GALNTL6: variants seen among roughly 807,000 people sequenced by gnomAD.
GALNTL6 encodes the protein polypeptide N-acetylgalactosaminyltransferase like 6.
GALNTL6 carries 46 observed loss-of-function variants against 73.7 expected under a neutral mutation model. The observed-to-expected ratio is 0.62, with a 90% CI of 0.49 to 0.80. GALNTL6 has a LOEUF of 0.80. Among genes scored for constraint, GALNTL6 ranks in the 30% least tolerant of loss-of-function variants. GALNTL6 has a pLI of 0.00. For missense variants in GALNTL6, 604 were observed against 755.0 expected, an observed-to-expected ratio of 0.80 and a Z score of 2.34; for synonymous variants, 259 against 263.7, an observed-to-expected ratio of 0.98 and a Z score of 0.17.
chr4:172,952,484 C>T (rs1222843642), intron 10 of GALNTL6, among the ~76,000 whole-genome samples: 1 of 151,966 alleles, frequency 6.6e-6, no homozygotes, highest in Non-Finnish European at 1.5e-5. Flanking sequence ...ACTGTTGATT[C>T]CCCAGATGAT....
intron 2 of GALNTL6, among the ~76,000 whole-genome samples, chr4:172,143,639 CA>C (rs771502803): frequency 1.3e-5 from 2 of 152,030 alleles, no homozygotes; most frequent in Admixed American, 6.5e-5. Context: ...CTGCCTTCCC[CA>C]AATTTAAAAT....
chr4:172,639,512 A>T (rs758034826), intron 5 of GALNTL6, among the ~76,000 whole-genome samples: 2 of 152,228 alleles, frequency 1.3e-5, no homozygotes, highest in South Asian at 4.1e-4. Context: ...AAAAATACAT[A>T]AGCAAATTAA....
intron 5 of GALNTL6, among the ~76,000 whole-genome samples, chr4:172,755,233 C>CAG (rs2110798845): frequency 2.7e-5 from 1 of 36,888 alleles, no homozygotes; most frequent in African/African-American, 9.6e-5. Flanking sequence ...AGATAAATGA[C>CAG]AGATATAGAT....
At chr4:171,887,380 G>T (rs1245997188) in intron 2 of GALNTL6, among the ~76,000 whole-genome samples, 1 of 152,188 alleles carries the variant, frequency 6.6e-6, no homozygotes, top group Admixed American at 6.5e-5. Context: ...AAAGATTTTA[G>T]GTGGTGAAGG....
intron 5 of GALNTL6, among the ~76,000 whole-genome samples, chr4:172,795,312 G>T (rs1045652002): frequency 6.6e-6 from 1 of 152,168 alleles, no homozygotes; most frequent in Non-Finnish European, 1.5e-5. Context: ...TTGTGTGGGT[G>T]CAGGGATAAC....
chr4:172,233,811 C>A (rs1346795477), intron 3 of GALNTL6, among the ~76,000 whole-genome samples: 5 of 151,616 alleles, frequency 3.3e-5, no homozygotes, highest in South Asian at 2.1e-4. Flanking sequence ...CAGATATGCA[C>A]AAAAAAATGG....
intron 10 of GALNTL6, among the ~76,000 whole-genome samples, chr4:173,001,590 T>C (rs1487657679): frequency 6.6e-6 from 1 of 152,196 alleles, no homozygotes; most frequent in East Asian, 1.9e-4. Flanking sequence ...ACCCACTGAA[T>C]AGGATAAAAT....
At chr4:172,048,369 A>G (rs1475343580) in intron 2 of GALNTL6, among the ~76,000 whole-genome samples, 2 of 152,178 alleles carry the variant, frequency 1.3e-5, no homozygotes, top group East Asian at 3.8e-4. Context: ...TATGTCCAGA[A>G]CTATTTTGGG....
At chr4:171,909,825 C>T (rs1737420200) in intron 2 of GALNTL6, among the ~76,000 whole-genome samples, 1 of 152,038 alleles carries the variant, frequency 6.6e-6, no homozygotes, top group Non-Finnish European at 1.5e-5. Flanking sequence ...TAAACCATAT[C>T]AATATCTTGT....
chr4:172,861,319 A>ATGTGTGTGTGTG (rs10664817), intron 7 of GALNTL6, among the ~76,000 whole-genome samples: 17 of 146,382 alleles, frequency 1.2e-4, no homozygotes, highest in African/African-American at 4.0e-4. Context: ...TTTTGCTTAC[A>ATGTGTGTGTGTG]TGTGTGTGTG....
At chr4:172,688,485 C>T (rs939588530) in intron 5 of GALNTL6, among the ~76,000 whole-genome samples, 9 of 152,168 alleles carry the variant, frequency 5.9e-5, no homozygotes, top group African/African-American at 1.9e-4. Context: ...TTGCTTGGAC[C>T]TCCACTTAAA....
chr4:171,861,403 G>A (rs1458415012), intron 2 of GALNTL6, among the ~76,000 whole-genome samples: 1 of 152,156 alleles, frequency 6.6e-6, no homozygotes, highest in African/African-American at 2.4e-5. Flanking sequence ...TAGTTTAATT[G>A]ACATTTGTAA....
At chr4:173,003,570 C>T (rs1752140227) in intron 10 of GALNTL6, among the ~76,000 whole-genome samples, 1 of 152,204 alleles carries the variant, frequency 6.6e-6, no homozygotes, top group South Asian at 2.1e-4. Flanking sequence ...TTGCAACGTA[C>T]AAACACTGTG....
At chr4:172,423,019 C>T (rs1579057822) in intron 5 of GALNTL6, among the ~76,000 whole-genome samples, 1 of 151,656 alleles carries the variant, frequency 6.6e-6, no homozygotes, top group Admixed American at 6.6e-5. Context: ...ATACCTATAC[C>T]TGTAGAAATC....
chr4:172,226,575 GTGTGTC>G (rs1284181303), intron 2 of GALNTL6, among the ~76,000 whole-genome samples: 1 of 72,288 alleles, frequency 1.4e-5, no homozygotes, highest in African/African-American at 5.5e-5. Flanking sequence ...GTGTGTGTGT[GTGTGTC>G]TGTGTGTCTG....
At chr4:172,818,841 C>T (rs1420193586) in intron 7 of GALNTL6, among the ~76,000 whole-genome samples, 3 of 152,348 alleles carry the variant, frequency 2.0e-5, no homozygotes, top group African/African-American at 7.2e-5. Flanking sequence ...TCATGATCTG[C>T]CCGCCTTAGC....
chr4:171,845,198 T>C (rs759673073), intron 2 of GALNTL6, among the ~76,000 whole-genome samples: 6 of 152,160 alleles, frequency 3.9e-5, no homozygotes, highest in Admixed American at 1.3e-4. Flanking sequence ...GATTTTTCCA[T>C]TCAAAATTAT....
At chr4:172,015,923 A>ATTTTTTTTTT (rs70941375) in intron 2 of GALNTL6, among the ~76,000 whole-genome samples, 22 of 44,088 alleles carry the variant, frequency 5.0e-4, no homozygotes, top group Non-Finnish European at 7.1e-4. Context: ...ATCTAATAGG[A>ATTTTTTTTTT]TTTTTTTTTT....
At chr4:172,973,806 C>T (rs903479347) in intron 10 of GALNTL6, among the ~76,000 whole-genome samples, 2 of 152,112 alleles carry the variant, frequency 1.3e-5, no homozygotes, top group South Asian at 2.1e-4. Context: ...CCTCTGACTC[C>T]GTCTTTTTCA....
Sources: gnomAD v4.1 joint callset for allele counts (sites outside exome capture counted in the v4.1 genomes callset) on GRCh38, gnomAD v4.1.1 for gene constraint, MANE v1.5 for transcripts, NCBI Gene and HGNC (gene_info 2026-07-23, HGNC 2026-07-21) for gene names.